Variants in CNTNAP2 observed in about 807,000 individuals in gnomAD.
The protein encoded by CNTNAP2 is contactin-associated protein-like 2.
In CNTNAP2, 98 loss-of-function variants were observed where a neutral mutation model predicts 155.2. The observed-to-expected ratio is 0.63, with a 90% CI of 0.54 to 0.75. The LOEUF (loss-of-function observed/expected upper bound fraction) is 0.75, where lower values mean the gene tolerates loss of function less well. CNTNAP2 is among the 30% of genes least tolerant of loss of function. CNTNAP2 has a pLI of 0.00. For missense variants in CNTNAP2, 1,727 were observed against 1,688.1 expected (o/e 1.02, Z -0.40); for synonymous variants, 651 against 631.2 (o/e 1.03, Z -0.47).
chr7:148,147,829 A>C, intron 17 of CNTNAP2, 120 bp downstream of exon 17: 13 of 1,009,288 alleles, frequency 1.3e-5, no homozygotes, highest in Non-Finnish European at 1.8e-5. Context: ...CCAAAAGTAA[A>C]GGTGTTGGCC....
intron 1 of CNTNAP2, among the ~76,000 whole-genome samples, chr7:146,119,429 T>G (rs1797531862): frequency 6.6e-6 from 1 of 152,126 alleles, no homozygotes; most frequent in South Asian, 2.1e-4. Flanking sequence ...AGAATAAACT[T>G]GAAAACAAAG....
intron 1 of CNTNAP2, among the ~76,000 whole-genome samples, chr7:146,161,797 C>T (rs1798226808): frequency 6.6e-6 from 1 of 152,196 alleles, no homozygotes; most frequent in Non-Finnish European, 1.5e-5. Flanking sequence ...CAGCATGGTA[C>T]TGGTACCAAA....
At chr7:146,850,905 A>C (rs1794866438) in intron 3 of CNTNAP2, among the ~76,000 whole-genome samples, 1 of 152,206 alleles carries the variant, frequency 6.6e-6, no homozygotes, top group Non-Finnish European at 1.5e-5. Flanking sequence ...TTCCTTTCAC[A>C]GGCAATGTGA....
intron 1 of CNTNAP2, among the ~76,000 whole-genome samples, chr7:146,470,992 T>C (rs1301258433): frequency 6.6e-6 from 1 of 152,192 alleles, no homozygotes; most frequent in Non-Finnish European, 1.5e-5. Context: ...TTCAGAACCA[T>C]GGACCCAATT....
At position 148,172,302 on chromosome 7, in the gene CNTNAP2, T is replaced by A. The variant is rs1172818449; in HGVS notation, c.2834T>A (p.Val945Glu). ...ATCCGCTCCTTGAGGATGAATGGGG[T>A]GACACTTGACCTGGAGGAAAGAGCA... ...GCIRSLRMNGVTLDLEERAKV... is the reference protein window; with the variant it reads ...GCIRSLRMNGETLDLEERAKV... The change falls in exon 18 of 24, where the codon GTG becomes GAG. Residue 945 changes from valine (V) to glutamate (E), a missense_variant. By Grantham distance (121) the Val-to-Glu change is moderately radical. Transcript: ENST00000361727. 5 of 1,614,072 alleles carry A rather than the reference T, an allele frequency of 3.1e-6. No individual in the cohort carries two copies. Among genetic ancestry groups the A allele is most frequent in the Non-Finnish European group, 4.2e-6 (5 of 1,180,028 alleles).
intron 9 of CNTNAP2, among the ~76,000 whole-genome samples, chr7:147,365,927 T>C (rs1054630338): frequency 4.6e-5 from 7 of 152,194 alleles, no homozygotes; most frequent in African/African-American, 1.7e-4. Context: ...GCCAGTCTGT[T>C]CTGCTGGCTT....
At chr7:146,608,426 A>G (rs551107683) in intron 1 of CNTNAP2, among the ~76,000 whole-genome samples, 24 of 152,316 alleles carry the variant, frequency 1.6e-4, no homozygotes, top group African/African-American at 5.8e-4. Flanking sequence ...TAGAATGAAA[A>G]TATGTGTGAG....
chr7:146,993,759 C>T (rs181764131), intron 3 of CNTNAP2, among the ~76,000 whole-genome samples: 11 of 151,962 alleles, frequency 7.2e-5, no homozygotes, highest in Non-Finnish European at 1.5e-5. Flanking sequence ...TTTTTAATAC[C>T]TTATTAAAGT....
At chr7:147,680,632 G>A (rs763911441) in intron 13 of CNTNAP2, among the ~76,000 whole-genome samples, 2 of 151,818 alleles carry the variant, frequency 1.3e-5, no homozygotes, top group African/African-American at 2.4e-5. Context: ...TACCTGAACT[G>A]CTGTGGCTAT....
At chr7:147,182,125 CAAA>C (rs10718876) in intron 8 of CNTNAP2, among the ~76,000 whole-genome samples, 115 of 92,372 alleles carry the variant, frequency 1.2e-3, no homozygotes, top group South Asian at 1.8e-3. Flanking sequence ...GACTCCATCT[CAAA>C]AAAAAAAAAA....
chr7:147,682,276 T>A (rs1431309766), intron 13 of CNTNAP2, among the ~76,000 whole-genome samples: 1 of 151,952 alleles, frequency 6.6e-6, no homozygotes, highest in Admixed American at 6.6e-5. Flanking sequence ...AATAAACTGC[T>A]AATTAGAATA....
intron 1 of CNTNAP2, among the ~76,000 whole-genome samples, chr7:146,641,889 A>G (rs1054790067): frequency 6.6e-5 from 10 of 152,200 alleles, no homozygotes; most frequent in African/African-American, 2.4e-4. Context: ...TGGCACAGTA[A>G]TTGTGAAGAC....
chr7:147,751,990 T>TAA (rs1797143540), intron 13 of CNTNAP2, among the ~76,000 whole-genome samples: 1 of 152,126 alleles, frequency 6.6e-6, no homozygotes, highest in Non-Finnish European at 1.5e-5. Context: ...TACACACAGG[T>TAA]TCTTCTGATT....
intron 9 of CNTNAP2, among the ~76,000 whole-genome samples, chr7:147,375,098 G>A (rs983619641): frequency 1.4e-4 from 22 of 151,812 alleles, no homozygotes; most frequent in Non-Finnish European, 1.0e-4. Context: ...TGTAAGACGT[G>A]TCTGCTTCCC....
intron 13 of CNTNAP2, among the ~76,000 whole-genome samples, chr7:147,729,364 T>G (rs1283155672): frequency 6.6e-6 from 1 of 151,698 alleles, no homozygotes; most frequent in African/African-American, 2.4e-5. Context: ...TAAATCATCA[T>G]ATCTCTAACT....
intron 21 of CNTNAP2, among the ~76,000 whole-genome samples, chr7:148,339,992 T>TGC: frequency 6.6e-6 from 1 of 151,674 alleles, no homozygotes; most frequent in Admixed American, 6.6e-5. Flanking sequence ...TGTGTGTGTG[T>TGC]GTGTGTGTGT....
intron 1 of CNTNAP2, among the ~76,000 whole-genome samples, chr7:146,333,006 C>T (rs111741522): frequency 0.022 from 2,889 of 133,310 alleles, 115 homozygotes; most frequent in African/African-American, 0.076. Context: ...TGCAGTGGTG[C>T]GATCTCGGCT....
chr7:147,908,118 G>A (rs1799998274), intron 14 of CNTNAP2, among the ~76,000 whole-genome samples: 1 of 152,132 alleles, frequency 6.6e-6, no homozygotes, highest in African/African-American at 2.4e-5. Flanking sequence ...GAAAATAAAT[G>A]AAAACAGAGC....
chr7:148,265,260 G>A (rs756173665), intron 20 of CNTNAP2, among the ~76,000 whole-genome samples: 16 of 152,002 alleles, frequency 1.1e-4, no homozygotes, highest in East Asian at 7.7e-4. Context: ...TTATCTGAAC[G>A]GAATAAGTGT....
Sources: gnomAD v4.1 joint callset for allele counts (sites outside exome capture counted in the v4.1 genomes callset) on GRCh38, gnomAD v4.1.1 for gene constraint, MANE v1.5 for transcripts, NCBI Gene and HGNC (gene_info 2026-07-23, HGNC 2026-07-21) for gene names.